TSPAN5: variants seen among roughly 807,000 people sequenced by gnomAD.
TSPAN5 encodes tetraspanin-5.
Under a neutral mutation model 37.1 loss-of-function variants are expected in TSPAN5, and 10 were observed. The observed-to-expected ratio is 0.27, with a 90% confidence interval of 0.17 to 0.46. The LOEUF (loss-of-function observed/expected upper bound fraction) is 0.46. Among genes scored for constraint, TSPAN5 ranks in the 20% least tolerant of loss-of-function variants. TSPAN5 has a pLI of 1.00. For missense variants in TSPAN5, 195 were observed against 326.6 expected, an observed-to-expected ratio of 0.60 and a Z score of 3.11; for synonymous variants, 110 against 118.9, an observed-to-expected ratio of 0.93 and a Z score of 0.48.
At chr4:98,556,006 C>G (rs1258263469) in intron 1 of TSPAN5, among the ~76,000 whole-genome samples, 1 of 148,984 alleles carries the variant, frequency 6.7e-6, no homozygotes. Context: ...CACACACACA[C>G]GTGCACAGCA....
At chr4:98,515,460 C>T (rs899533946) in intron 1 of TSPAN5, among the ~76,000 whole-genome samples, 5 of 152,064 alleles carry the variant, frequency 3.3e-5, no homozygotes, top group African/African-American at 9.7e-5. Flanking sequence ...TGCAGCTTCA[C>T]GTCCTGCCTC....
chr4:98,562,911 A>C (rs1754912870), intron 1 of TSPAN5, among the ~76,000 whole-genome samples: 1 of 152,142 alleles, frequency 6.6e-6, no homozygotes, highest in African/African-American at 2.4e-5. Flanking sequence ...ATGTGTCCAA[A>C]AGGTAGCTTA....
intron 2 of TSPAN5, among the ~76,000 whole-genome samples, chr4:98,490,405 C>T (rs891693507): frequency 1.3e-5 from 2 of 152,210 alleles, no homozygotes; most frequent in Non-Finnish European, 2.9e-5. Flanking sequence ...CAGACAAACT[C>T]ATTTTAATAC....
At chr4:98,639,884 C>G (rs1756927911) in intron 1 of TSPAN5, among the ~76,000 whole-genome samples, 1 of 152,038 alleles carries the variant, frequency 6.6e-6, no homozygotes, top group South Asian at 2.1e-4. Flanking sequence ...GGAAGAAAAA[C>G]CATTTATGAC....
At chr4:98,496,549 T>A (rs1478306723) in intron 2 of TSPAN5, 2 of 152,184 alleles carry the variant, frequency 1.3e-5, no homozygotes, top group Non-Finnish European at 2.9e-5. Flanking sequence ...ATGACCTGCC[T>A]TTGAGGAGAA....
chr4:98,493,992 T>C (rs947400123), intron 2 of TSPAN5, among the ~76,000 whole-genome samples: 1 of 152,214 alleles, frequency 6.6e-6, no homozygotes, highest in African/African-American at 2.4e-5. Flanking sequence ...GAGATTTCCA[T>C]TATCCACTAG....
At chr4:98,655,676 A>G (rs1757281568) in intron 1 of TSPAN5, among the ~76,000 whole-genome samples, 1 of 152,050 alleles carries the variant, frequency 6.6e-6, no homozygotes, top group Admixed American at 6.5e-5. Context: ...TGTTTTTGGC[A>G]ATCACAGACA....
intron 1 of TSPAN5, among the ~76,000 whole-genome samples, chr4:98,513,396 C>T (rs909374980): frequency 2.6e-5 from 4 of 152,006 alleles, no homozygotes; most frequent in South Asian, 2.1e-4. Context: ...GGATCTGGGC[C>T]GCAGAAAAGA....
intron 1 of TSPAN5, among the ~76,000 whole-genome samples, chr4:98,529,823 C>A (rs529131190): frequency 6.6e-6 from 1 of 152,320 alleles, no homozygotes; most frequent in African/African-American, 2.4e-5. Context: ...TGTTATACAG[C>A]CACAAAATAA....
At chr4:98,610,650 G>C (rs1011100853) in intron 1 of TSPAN5, among the ~76,000 whole-genome samples, 1 of 152,150 alleles carries the variant, frequency 6.6e-6, no homozygotes. Flanking sequence ...GTTCCAAGAA[G>C]CATATTCAAG....
intron 1 of TSPAN5, among the ~76,000 whole-genome samples, chr4:98,606,256 C>T (rs768993109): frequency 1.5e-4 from 23 of 152,214 alleles, no homozygotes; most frequent in African/African-American, 2.2e-4. Context: ...ATCTTTGCTA[C>T]ATAAGGCAAC....
At chr4:98,652,462 G>T (rs923745936) in intron 1 of TSPAN5, among the ~76,000 whole-genome samples, 1 of 152,120 alleles carries the variant, frequency 6.6e-6, no homozygotes, top group African/African-American at 2.4e-5. Context: ...GTTAATTGTG[G>T]CATATGCAAA....
intron 1 of TSPAN5, among the ~76,000 whole-genome samples, chr4:98,589,978 G>T (rs1288082454): frequency 3.3e-5 from 5 of 152,092 alleles, no homozygotes; most frequent in African/African-American, 1.2e-4. Flanking sequence ...TGTAATTACA[G>T]GAAAGGTGCT....
intron 1 of TSPAN5, among the ~76,000 whole-genome samples, chr4:98,646,118 C>G (rs936190830): frequency 1.3e-4 from 19 of 151,750 alleles, no homozygotes; most frequent in African/African-American, 4.3e-4. Context: ...AAAAAAAAAG[C>G]ACAAGCTCTC....
chr4:98,523,235 G>A (rs554494215), intron 1 of TSPAN5, among the ~76,000 whole-genome samples: 6 of 152,226 alleles, frequency 3.9e-5, no homozygotes, highest in South Asian at 4.1e-4. Context: ...AGAGTCTCCT[G>A]ATGAACAACA....
chr4:98,553,938 G>T (rs939225759), intron 1 of TSPAN5, among the ~76,000 whole-genome samples: 1 of 151,990 alleles, frequency 6.6e-6, no homozygotes, highest in Non-Finnish European at 1.5e-5. Flanking sequence ...GTGATGGCAG[G>T]CGCCTGTAAT....
At chr4:98,536,123 T>C (rs1754227642) in intron 1 of TSPAN5, among the ~76,000 whole-genome samples, 2 of 152,178 alleles carry the variant, frequency 1.3e-5, no homozygotes, top group Non-Finnish European at 2.9e-5. Flanking sequence ...TTGTTTTTGG[T>C]ATTTTCAGCC....
chr4:98,525,510 C>T (rs1479788254), intron 1 of TSPAN5, among the ~76,000 whole-genome samples: 1 of 152,138 alleles, frequency 6.6e-6, no homozygotes, highest in Non-Finnish European at 1.5e-5. Context: ...AGGACAGACT[C>T]CAGCCACTCT....
chr4:98,486,827 G>T lies in TSPAN5; in HGVS notation c.190C>A (p.Leu64Ile). The T allele has an allele frequency of 1.2e-6, 2 of 1,614,132 alleles. No individual in the cohort carries two copies. The highest frequency in any genetic ancestry group is 2.2e-5 in the South Asian group (2 of 91,070). ...TDLGGFDPVW[L>I]FLVVGGVMFI... is the part of the protein sequence containing the mutation. Reference sequence around the variant, plus strand: ...ATCACTCCTCCCACCACAAGGAAGAGCCAAACTGGGTCAAAGCCGCCGAGA... The same window carrying T: ...ATCACTCCTCCCACCACAAGGAAGATCCAAACTGGGTCAAAGCCGCCGAGA... Residue 64 changes from leucine (L) to isoleucine (I), a missense_variant, in exon 3 of 8, where the codon CTC (leucine) becomes ATC (isoleucine). Physicochemically the swap from Leu to Ile is conservative, Grantham distance 5. Transcript: ENST00000305798.
Sources: allele counts gnomAD v4.1 joint callset (sites outside exome capture counted in the v4.1 genomes callset), GRCh38; gene constraint gnomAD v4.1.1; transcripts MANE v1.5; gene names NCBI Gene and HGNC (gene_info 2026-07-23, HGNC 2026-07-21).